Variants in ASH2L observed in about 807,000 individuals in gnomAD.
ASH2L encodes set1/Ash2 histone methyltransferase complex subunit ASH2.
In ASH2L, 30 loss-of-function variants were observed where a neutral mutation model predicts 81.1. The observed-to-expected ratio is 0.37, with a 90% CI of 0.28 to 0.50. ASH2L has a LOEUF of 0.50. ASH2L is among the 20% of genes least tolerant of loss of function. The pLI is 0.95. For missense variants in ASH2L, 559 were observed against 792.1 expected, an observed-to-expected ratio of 0.71 and a Z score of 3.53; for synonymous variants, 273 against 279.9, an observed-to-expected ratio of 0.98 and a Z score of 0.24.
At chr8:38,115,615 A>G (rs1810861839) in intron 7 of ASH2L, among the ~76,000 whole-genome samples, 1 of 152,088 alleles carries the variant, frequency 6.6e-6, no homozygotes, top group Non-Finnish European at 1.5e-5. Context: ...CAGCCTGGAC[A>G]ATACAACAAG....
intron 12 of ASH2L, among the ~76,000 whole-genome samples, chr8:38,129,620 A>G (rs1423963994): frequency 6.6e-6 from 1 of 152,174 alleles, no homozygotes; most frequent in African/African-American, 2.4e-5. Context: ...CACCTCAGGA[A>G]GTTTCCTCAT....
In ASH2L at chr8:38,121,976, T is replaced by C. The variant is rs562247093; in HGVS notation, c.1165+827T>C. ...AATATCTTGTTTGTTTTTAAACTTATGTTCACTAATTTTAGCACCCATCAG... is the reference window on the plus strand; with the variant it reads ...AATATCTTGTTTGTTTTTAAACTTACGTTCACTAATTTTAGCACCCATCAG... On this transcript the variant is annotated intron_variant, in intron 10 of 15. Transcript: ENST00000343823. Among the ~76,000 whole-genome samples, 14 of 152,374 alleles carry C rather than the reference T, an allele frequency of 9.2e-5. No individual in the cohort carries two copies. The South Asian group carries it at 2.7e-3, about 29-fold the overall frequency.
At chr8:38,125,359 G>A (rs183404692) in intron 10 of ASH2L, among the ~76,000 whole-genome samples, 2,257 of 152,132 alleles carry the variant, frequency 0.015, 31 homozygotes, top group Middle Eastern at 0.034. Flanking sequence ...AGTGGCTCAC[G>A]CCTGTAATCC....
intron 2 of ASH2L, 91 bp downstream of exon 2, chr8:38,106,535 C>G (rs1283493371): frequency 8.9e-7 from 1 of 1,121,074 alleles, no homozygotes; most frequent in African/African-American, 1.6e-5. Flanking sequence ...TGCGACGGAG[C>G]CTTGCTCTGT....
At chr8:38,106,200 G>A (rs1316819003) in intron 1 of ASH2L, 178 bp from the exon 2 acceptor site, 7 of 1,473,574 alleles carry the variant, frequency 4.8e-6, no homozygotes, top group African/African-American at 1.4e-5. Flanking sequence ...GCGACTGTCT[G>A]ACATGTCCAC....
chr8:38,107,569 T>C (rs1810495217), intron 3 of ASH2L, among the ~76,000 whole-genome samples: 1 of 152,218 alleles, frequency 6.6e-6, no homozygotes, highest in Non-Finnish European at 1.5e-5. Context: ...GCCTGAACCA[T>C]CCTTTTTTTC....
At chr8:38,138,684 A>G (rs1585618006) in intron 14 of ASH2L, 132 bp from the exon 15 acceptor site, 3 of 680,844 alleles carry the variant, frequency 4.4e-6, no homozygotes, top group Admixed American at 2.7e-5. Flanking sequence ...TATTTAATAT[A>G]TATCTTATTT....
intron 3 of ASH2L, among the ~76,000 whole-genome samples, chr8:38,108,802 A>G (rs1373384936): frequency 1.3e-5 from 2 of 152,094 alleles, no homozygotes; most frequent in Admixed American, 1.3e-4. Context: ...AAAAAAGGCC[A>G]GGCATGGTGG....
At chr8:38,121,768 G>A (rs1420144082) in intron 10 of ASH2L, among the ~76,000 whole-genome samples, 2 of 152,080 alleles carry the variant, frequency 1.3e-5, no homozygotes, top group Non-Finnish European at 2.9e-5. Context: ...AGAATAACAC[G>A]GAAACAATGT....
chr8:38,126,030 C>T (rs1484884044), intron 10 of ASH2L, among the ~76,000 whole-genome samples: 2 of 151,860 alleles, frequency 1.3e-5, no homozygotes, highest in African/African-American at 4.8e-5. Flanking sequence ...ATGGTGAAAC[C>T]CCATCCCTAC....
In ASH2L at chr8:38,105,758, G is replaced by A. The variant is rs370451961; in HGVS notation, c.188+20G>A. 11 of 1,503,808 alleles carry A rather than the reference G, an allele frequency of 7.3e-6. No homozygotes were observed. The African/African-American group carries it at 1.4e-4, about 19-fold the overall frequency. The allele number at this position is 1,503,808 out of a possible 1,614,324, so 93.2% of individuals were successfully genotyped here. ...AGGCGGGTAAGAGGTCCTGCCGCCC[G>A]AGGAAGACGCGGGAGGGAGGCCCGC... On this transcript the variant is annotated intron_variant, in intron 1 of 15. Coordinates refer to ENST00000343823, the MANE Select transcript of ASH2L (RefSeq NM_004674.5).
chr8:38,106,889 G>T, intron 2 of ASH2L, 132 bp from the exon 3 acceptor site: 1 of 1,022,238 alleles, frequency 9.8e-7, no homozygotes, highest in Non-Finnish European at 1.4e-6. Flanking sequence ...CCAGCACTTT[G>T]GGAGGCTGAG....
rs138203671 is a variant in ASH2L at position 38,116,322 on chromosome 8, C to T, written c.778-328C>T. On this transcript the variant is annotated intron_variant, in intron 7 of 15. Transcript: ENST00000343823. ...CAGAGGTTGCAGTAAGCCGATATCG[C>T]GCCACTGCACTCCAGCCTGGGTGAC... Among the ~76,000 whole-genome samples the T allele has an allele frequency of 2.2e-3, 338 of 152,142 alleles. 1 individual carries two copies. Among genetic ancestry groups the T allele is most frequent in the Non-Finnish European group, 3.9e-3 (267 of 68,012 alleles).
At chr8:38,106,063 G>A (rs748498219) in intron 1 of ASH2L, 114 of 1,525,018 alleles carry the variant, frequency 7.5e-5, no homozygotes, top group Non-Finnish European at 9.5e-5. Context: ...CAGACTGGAA[G>A]AAGTAACGGT....
chr8:38,137,549 C>G (rs916448255), intron 14 of ASH2L: 1 of 151,514 alleles, frequency 6.6e-6, no homozygotes, highest in African/African-American at 2.4e-5. Flanking sequence ...GGCAACAGAG[C>G]GAGACTCTGT....
intron 10 of ASH2L, among the ~76,000 whole-genome samples, chr8:38,126,409 T>C (rs1801845401): frequency 6.6e-6 from 1 of 152,168 alleles, no homozygotes; most frequent in African/African-American, 2.4e-5. Context: ...ATTACTTGGA[T>C]AATTGGCTTA....
intron 12 of ASH2L, among the ~76,000 whole-genome samples, chr8:38,129,780 T>C (rs1563260091): frequency 6.6e-6 from 1 of 152,088 alleles, no homozygotes; most frequent in African/African-American, 2.4e-5. Flanking sequence ...GACTCATCCA[T>C]TTTGCTGCAT....
chr8:38,113,030 G>A (rs1242880945), intron 5 of ASH2L, among the ~76,000 whole-genome samples: 1 of 151,488 alleles, frequency 6.6e-6, no homozygotes, highest in Non-Finnish European at 1.5e-5. Flanking sequence ...GTAGTGGTGC[G>A]ATGTCTCGGC....
chr8:38,107,214 C>G, intron 3 of ASH2L, 48 bp downstream of exon 3: 1 of 1,606,578 alleles, frequency 6.2e-7, no homozygotes, highest in Non-Finnish European at 8.5e-7. Flanking sequence ...TAAAATAAAT[C>G]TGAACATGCT....
Sources: gnomAD v4.1 joint callset for allele counts (sites outside exome capture counted in the v4.1 genomes callset) on GRCh38, gnomAD v4.1.1 for gene constraint, MANE v1.5 for transcripts, NCBI Gene and HGNC (gene_info 2026-07-23, HGNC 2026-07-21) for gene names.